Variants in MSRB3 observed in about 807,000 individuals in gnomAD.
MSRB3 encodes methionine sulfoxide reductase B3.
A neutral mutation model predicts 21.0 loss-of-function variants in MSRB3; 13 were observed. The observed-to-expected ratio is 0.62, with a 90% CI of 0.40 to 0.98. The LOEUF (loss-of-function observed/expected upper bound fraction) is 0.98, where lower values mean the gene tolerates loss of function less well. Among genes scored for constraint, MSRB3 ranks in the 50% least tolerant of loss-of-function variants. The pLI is 0.00. For synonymous variants in MSRB3, 87 were observed against 88.6 expected (o/e 0.98, Z 0.10); for missense variants, 199 against 230.3 (o/e 0.86, Z 0.88).
intron 5 of MSRB3, among the ~76,000 whole-genome samples, chr12:65,416,354 A>G (rs1880972532): frequency 6.6e-6 from 1 of 152,220 alleles, no homozygotes; most frequent in African/African-American, 2.4e-5. Flanking sequence ...CTGGAATTTG[A>G]AAAACACCTA....
At position 65,395,099 on chromosome 12, in the gene MSRB3, A is replaced by G. The variant is rs564729112; in HGVS notation, c.292+26073A>G. ...AGAACAGAAAATGGAAAAAAAATAA[A>G]AGAAAGAAAAGGCACTCAGATTGGA... On this transcript the variant is annotated intron_variant, in intron 5 of 6. Coordinates refer to ENST00000308259, the MANE Select transcript of MSRB3 (RefSeq NM_001031679.3). 3.3e-5 allele frequency among the ~76,000 whole-genome samples: 5 copies of G among 152,330 alleles called. No homozygotes were observed. The South Asian group carries it at 8.3e-4, about 25-fold the overall frequency.
intron 4 of MSRB3, among the ~76,000 whole-genome samples, chr12:65,333,931 G>A (rs1464925852): frequency 6.6e-6 from 1 of 152,178 alleles, no homozygotes; most frequent in Non-Finnish European, 1.5e-5. Flanking sequence ...AGATAGTGAG[G>A]TAATAGCGTG....
chr12:65,410,080 A>G (rs1880635247), intron 5 of MSRB3, among the ~76,000 whole-genome samples: 1 of 151,870 alleles, frequency 6.6e-6, no homozygotes, highest in South Asian at 2.1e-4. Context: ...TTATGTTTTA[A>G]TTGCATTATT....
chr12:65,460,863 C>G (rs992656757), intron 6 of MSRB3, among the ~76,000 whole-genome samples: 4 of 151,596 alleles, frequency 2.6e-5, no homozygotes, highest in African/African-American at 9.7e-5. Flanking sequence ...CCCAGTTCAA[C>G]AGATTCAATT....
intron 4 of MSRB3, among the ~76,000 whole-genome samples, chr12:65,336,122 A>G (rs977986017): frequency 2.0e-5 from 3 of 152,234 alleles, no homozygotes; most frequent in African/African-American, 7.2e-5. Flanking sequence ...TAATACAGAC[A>G]GTTACTTTTC....
chr12:65,347,966 G>A (rs529336283), intron 4 of MSRB3, among the ~76,000 whole-genome samples: 3 of 152,154 alleles, frequency 2.0e-5, no homozygotes, highest in Non-Finnish European at 4.4e-5. Flanking sequence ...GCTTTTTGAT[G>A]TGCTGCTGGA....
chr12:65,298,284 G>A (rs908099945), intron 1 of MSRB3, among the ~76,000 whole-genome samples: 7 of 152,154 alleles, frequency 4.6e-5, no homozygotes, highest in African/African-American at 1.4e-4. Context: ...GAATATGGGC[G>A]TGAGCCACCA....
intron 4 of MSRB3, among the ~76,000 whole-genome samples, chr12:65,350,905 A>G (rs1358133544): frequency 1.4e-5 from 2 of 148,106 alleles, no homozygotes; most frequent in African/African-American, 2.6e-5. Context: ...CAGATCAACG[A>G]GACAGAAAGT....
At chr12:65,423,426 T>C (rs1251962150) in intron 5 of MSRB3, among the ~76,000 whole-genome samples, 1 of 152,234 alleles carries the variant, frequency 6.6e-6, no homozygotes, top group Non-Finnish European at 1.5e-5. Flanking sequence ...CCTTGTCTTG[T>C]TTCAGATCTT....
chr12:65,350,471 T>C (rs1056259981), intron 4 of MSRB3, among the ~76,000 whole-genome samples: 3 of 151,128 alleles, frequency 2.0e-5, no homozygotes, highest in Admixed American at 2.0e-4. Context: ...ATATTAACTT[T>C]AAATGTAAAT....
chr12:65,326,950 A>AT lies in MSRB3; in HGVS notation c.185+17dup. The AT allele has an allele frequency of 6.3e-7, 1 of 1,587,808 alleles. No individual in the cohort carries two copies. Among genetic ancestry groups the AT allele is most frequent in the Non-Finnish European group, 8.6e-7 (1 of 1,158,174 alleles). ...GGACCGAAAGGTAAGGTGAGCTTTAATAAAAAGTCATTAAGAGCTAGATTT... is the reference window on the plus strand; with the variant it reads ...GGACCGAAAGGTAAGGTGAGCTTTAATTAAAAAGTCATTAAGAGCTAGATTT... On this transcript the variant is annotated intron_variant, in intron 3 of 6. Transcript: ENST00000308259.
At chr12:65,441,551 C>G (rs1446899954) in intron 5 of MSRB3, among the ~76,000 whole-genome samples, 1 of 151,938 alleles carries the variant, frequency 6.6e-6, no homozygotes, top group Non-Finnish European at 1.5e-5. Context: ...ATTCATTCAA[C>G]CAAAATGTAT....
intron 5 of MSRB3, among the ~76,000 whole-genome samples, chr12:65,402,836 A>T (rs1007061405): frequency 6.6e-6 from 1 of 151,974 alleles, no homozygotes; most frequent in Non-Finnish European, 1.5e-5. Flanking sequence ...CCTCCCTGTT[A>T]GTTTTTCTTC....
At chr12:65,387,817 A>C (rs1879270577) in intron 5 of MSRB3, among the ~76,000 whole-genome samples, 1 of 152,170 alleles carries the variant, frequency 6.6e-6, no homozygotes, top group African/African-American at 2.4e-5. Flanking sequence ...TAAAGCTGGA[A>C]ATATTTTCCC....
intron 5 of MSRB3, among the ~76,000 whole-genome samples, chr12:65,371,848 C>CT (rs530220436): frequency 3.6e-4 from 55 of 151,150 alleles, no homozygotes; most frequent in South Asian, 3.6e-3. Context: ...TTGCATCTTT[C>CT]TTTTTTTTTA....
At chr12:65,293,691 A>C (rs2136399105) in intron 1 of MSRB3, among the ~76,000 whole-genome samples, 1 of 152,258 alleles carries the variant, frequency 6.6e-6, no homozygotes, top group South Asian at 2.1e-4. Context: ...TGTCATCCTT[A>C]CTGCACTTGT....
chr12:65,439,719 A>T (rs1259366510), intron 5 of MSRB3, among the ~76,000 whole-genome samples: 2 of 151,806 alleles, frequency 1.3e-5, no homozygotes, highest in South Asian at 4.1e-4. Flanking sequence ...GGAACTTTAT[A>T]AAAAGAACAA....
In MSRB3 at chr12:65,321,008, C is replaced by T. The variant is rs905377628; in HGVS notation, c.77-5818C>T. On this transcript the variant is annotated intron_variant, in intron 2 of 6. Transcript: ENST00000308259. ...AGATCAGCACAGACACCTTCCTCTC[C>T]TCCTTCAGGGCTTTGCTCAAATATC... Among the ~76,000 whole-genome samples, 3 of 152,166 alleles carry T rather than the reference C, an allele frequency of 2.0e-5. No homozygotes were observed. In the South Asian group the frequency reaches 6.2e-4, roughly 32 times the overall value.
At chr12:65,428,087 TG>T (rs1476656524) in intron 5 of MSRB3, among the ~76,000 whole-genome samples, 1 of 152,104 alleles carries the variant, frequency 6.6e-6, no homozygotes, top group Non-Finnish European at 1.5e-5. Context: ...TGGTGAGGTG[TG>T]TGTAGCTGTG....
Sources: allele counts gnomAD v4.1 joint callset (sites outside exome capture counted in the v4.1 genomes callset), GRCh38; gene constraint gnomAD v4.1.1; transcripts MANE v1.5; gene names NCBI Gene and HGNC (gene_info 2026-07-23, HGNC 2026-07-21).